The following TEC variants were observed in gnomAD, a reference collection of about 807,000 sequenced individuals.
TEC encodes tyrosine-protein kinase Tec.
TEC carries 72 observed loss-of-function variants against 93.0 expected under a neutral mutation model. The ratio of observed to expected loss-of-function variants is 0.77; its 90% confidence interval spans 0.64 to 0.94. TEC has a LOEUF of 0.94. Among genes scored for constraint, TEC ranks in the 40% least tolerant of loss-of-function variants. The pLI is 0.00. For missense variants in TEC, 630 were observed against 757.9 expected, an observed-to-expected ratio of 0.83 and a Z score of 1.98; for synonymous variants, 249 against 247.7, an observed-to-expected ratio of 1.01 and a Z score of -0.05.
chr4:48,212,516 C>T (rs1156790545), intron 2 of TEC, among the ~76,000 whole-genome samples: 1 of 152,108 alleles, frequency 6.6e-6, no homozygotes, highest in Non-Finnish European at 1.5e-5. Context: ...TAAAATAGTC[C>T]GTGGGCAAAT....
intron 1 of TEC, among the ~76,000 whole-genome samples, chr4:48,259,244 A>G (rs997879239): frequency 1.3e-5 from 2 of 152,232 alleles, no homozygotes; most frequent in Non-Finnish European, 2.9e-5. Flanking sequence ...GCACAGGAAA[A>G]TAATTCCAGT....
At position 48,176,148 on chromosome 4, in the gene TEC, G is replaced by C; in HGVS notation, c.177C>G (p.Ile59Met). 6.2e-7 allele frequency: 1 copy of C among 1,613,546 alleles called. No homozygotes were observed. Among genetic ancestry groups the C allele is most frequent in the Non-Finnish European group, 8.5e-7 (1 of 1,179,792 alleles). The change falls in exon 3 of 18, where the codon ATC becomes ATG. Residue 59 changes from isoleucine to methionine, a missense_variant. Coordinates refer to ENST00000381501, the MANE Select transcript of TEC (RefSeq NM_003215.3). ...YRKGFIDVSK[I>M]KCVEIVKNDD... ...CATTCTTCACTATTTCCACACACTT[G>C]ATTTTTGAAACATCAATAAACCCCT...
chr4:48,141,445 A>C, intron 14 of TEC, 26 bp from the exon 15 acceptor site: 1 of 1,604,614 alleles, frequency 6.2e-7, no homozygotes, highest in South Asian at 1.1e-5. Context: ...ATGATGGTAT[A>C]TTAGTTTAAA....
rs747608853 is a variant in TEC at position 48,145,223 on chromosome 4, A to G, written c.1326T>C (p.Thr442=). 6.2e-6 allele frequency: 10 copies of G among 1,614,174 alleles called. No individual in the cohort carries two copies. The South Asian group carries it at 9.9e-5, about 16-fold the overall frequency. The part of the protein sequence containing the change: ...CTQQKPIYIV[T]EFMERGCLLN... ...GAAGGCAGCCCCTTTCCATGAACTCAGTAACAATGTATATTGGTTTCTGCT... is the reference window on the plus strand; with the variant it reads ...GAAGGCAGCCCCTTTCCATGAACTCGGTAACAATGTATATTGGTTTCTGCT... The change falls in exon 14 of 18, where the codon ACT becomes ACC. Residue 442 remains threonine, a synonymous_variant. Transcript: ENST00000381501.
intron 2 of TEC, among the ~76,000 whole-genome samples, chr4:48,209,622 A>C (rs973676106): frequency 2.0e-5 from 3 of 152,174 alleles, no homozygotes; most frequent in Non-Finnish European, 2.9e-5. Context: ...CAAAAAAAAT[A>C]GATTTATAAA....
intron 2 of TEC, among the ~76,000 whole-genome samples, chr4:48,216,253 A>C (rs1234524417): frequency 6.6e-6 from 1 of 151,458 alleles, no homozygotes; most frequent in Non-Finnish European, 1.5e-5. Flanking sequence ...GGAAAAAAAA[A>C]AAAACAAAAA....
At chr4:48,153,687 A>T (rs1392749201) in intron 9 of TEC, among the ~76,000 whole-genome samples, 1 of 152,110 alleles carries the variant, frequency 6.6e-6, no homozygotes, top group African/African-American at 2.4e-5. Flanking sequence ...CAACAACAAC[A>T]ACTACCTAGG....
chr4:48,269,156 G>T (rs79751096), intron 1 of TEC, among the ~76,000 whole-genome samples: 16,302 of 152,098 alleles, frequency 0.11, 1,029 homozygotes, highest in East Asian at 0.24. Context: ...GGTGAGTCAC[G>T]TGCAACTGCG....
chr4:48,233,680 T>C (rs1354127332), intron 1 of TEC, among the ~76,000 whole-genome samples: 1 of 151,068 alleles, frequency 6.6e-6, no homozygotes, highest in African/African-American at 2.4e-5. Flanking sequence ...GGGAAATACA[T>C]GCATGAAACA....
intron 17 of TEC, 72 bp downstream of exon 17, chr4:48,138,593 G>T (rs1719525413): frequency 2.7e-6 from 4 of 1,507,500 alleles, no homozygotes; most frequent in Non-Finnish European, 3.6e-6. Flanking sequence ...AGGCTATAAA[G>T]ACTGCATGTT....
At chr4:48,245,032 C>T (rs1230244030) in intron 1 of TEC, among the ~76,000 whole-genome samples, 1 of 152,110 alleles carries the variant, frequency 6.6e-6, no homozygotes, top group Admixed American at 6.5e-5. Flanking sequence ...CAGTGGCTCA[C>T]GCCTGTAACC....
Position 48,145,309 on chromosome 4 carries a change from C to CAT in TEC, c.1254-16_1254-15dup. Reference sequence around the variant, plus strand: ...TGTGTCAGTTTCCTGGGAAGGAAGACATATATATAGTTACTATAGGAAAAG... The same window carrying CAT: ...TGTGTCAGTTTCCTGGGAAGGAAGACATATATATATAGTTACTATAGGAAAAG... On this transcript the variant is annotated splice_polypyrimidine_tract_variant and intron_variant, in intron 13 of 17. Transcript: ENST00000381501. 6.2e-7 allele frequency: 1 copy of CAT among 1,613,688 alleles called. No individual in the cohort carries two copies. Among genetic ancestry groups the CAT allele is most frequent in the Non-Finnish European group, 8.5e-7 (1 of 1,179,728 alleles).
intron 2 of TEC, among the ~76,000 whole-genome samples, chr4:48,204,972 C>A (rs530885348): frequency 6.6e-6 from 1 of 152,170 alleles, no homozygotes; most frequent in African/African-American, 2.4e-5. Flanking sequence ...AGATCCCCAC[C>A]CCTGACACAG....
intron 8 of TEC, among the ~76,000 whole-genome samples, chr4:48,163,011 C>T (rs1038107679): frequency 6.6e-6 from 1 of 151,836 alleles, no homozygotes; most frequent in Non-Finnish European, 1.5e-5. Context: ...AGAAACAAGA[C>T]GTTATCCCAT....
At chr4:48,211,154 A>G (rs541513467) in intron 2 of TEC, among the ~76,000 whole-genome samples, 2 of 152,346 alleles carry the variant, frequency 1.3e-5, no homozygotes, top group Non-Finnish European at 2.9e-5. Context: ...CTGGCACAAG[A>G]GTCCATCCTC....
At chr4:48,199,492 A>T (rs2109593585) in intron 2 of TEC, among the ~76,000 whole-genome samples, 1 of 101,594 alleles carries the variant, frequency 9.8e-6, no homozygotes, top group African/African-American at 4.0e-5. Context: ...TTTGAGACAA[A>T]GTCTCACTCT....
At chr4:48,156,472 G>A (rs1355631686) in intron 9 of TEC, among the ~76,000 whole-genome samples, 1 of 152,208 alleles carries the variant, frequency 6.6e-6, no homozygotes, top group African/African-American at 2.4e-5. Context: ...ACTTCTGTTT[G>A]TAAGTCCCTA....
At chr4:48,185,217 A>C (rs1339098197) in intron 2 of TEC, among the ~76,000 whole-genome samples, 1 of 152,250 alleles carries the variant, frequency 6.6e-6, no homozygotes, top group Admixed American at 6.5e-5. Context: ...AATGAATGAC[A>C]TATTCTACTA....
intron 9 of TEC, among the ~76,000 whole-genome samples, chr4:48,152,307 G>A (rs1720205383): frequency 1.3e-5 from 2 of 151,938 alleles, no homozygotes; most frequent in Non-Finnish European, 2.9e-5. Flanking sequence ...GCGTGGTGGT[G>A]CGCGCCTGTA....
Sources: gnomAD v4.1 joint callset for allele counts (sites outside exome capture counted in the v4.1 genomes callset) on GRCh38, gnomAD v4.1.1 for gene constraint, MANE v1.5 for transcripts, NCBI Gene and HGNC (gene_info 2026-07-23, HGNC 2026-07-21) for gene names.